SYPL2: variants seen among roughly 807,000 people sequenced by gnomAD.
SYPL2 encodes the protein synaptophysin-like protein 2.
In SYPL2, 24 loss-of-function variants were observed where a neutral mutation model predicts 31.3. The ratio of observed to expected loss-of-function variants is 0.77; its 90% CI spans 0.56 to 1.08. The LOEUF is 1.08. SYPL2 is among the 50% of genes least tolerant of loss of function. The probability of loss-of-function intolerance (pLI) is 0.00; values close to 1 mark genes in which losing one functional copy is unlikely to be tolerated. For synonymous variants in SYPL2, 144 were observed against 143.1 expected (o/e 1.01, Z -0.05); for missense variants, 342 against 360.1 (o/e 0.95, Z 0.41).
chr1:109,473,855 A>G (rs553787036), intron 2 of SYPL2, among the ~76,000 whole-genome samples: 133 of 151,362 alleles, frequency 8.8e-4, no homozygotes, highest in African/African-American at 3.1e-3. Context: ...AGATTGCGCC[A>G]CTACACTCCA....
chr1:109,471,792 T>G (rs1655842850), intron 2 of SYPL2, among the ~76,000 whole-genome samples: 1 of 152,038 alleles, frequency 6.6e-6, no homozygotes, highest in Admixed American at 6.6e-5. Flanking sequence ...CATAGCTCAT[T>G]GCAGCCTTGA....
At chr1:109,466,946 G>A (rs1189153625) in intron 1 of SYPL2, 49 bp downstream of exon 1, 1 of 1,533,182 alleles carries the variant, frequency 6.5e-7, no homozygotes, top group African/African-American at 1.4e-5. Flanking sequence ...CCACCTAGAT[G>A]TCGGGCTGCA....
At position 109,481,599 on chromosome 1, in the gene SYPL2, G is replaced by C. The variant is rs887082067; in HGVS notation, c.*2051G>C. ...GGGAAAGCAGTTGCGGGCAGGGGGT[G>C]GGGGGAGATTATATTCACTCCTGCC... On this transcript the variant is annotated 3_prime_UTR_variant, in exon 6 of 6. Transcript: ENST00000369872. 5 of 152,044 alleles carry C rather than the reference G, an allele frequency of 3.3e-5. No individual in the cohort carries two copies. Among genetic ancestry groups the C allele is most frequent in the Non-Finnish European group, 5.9e-5 (4 of 68,016 alleles). 9.4% of individuals were successfully genotyped at this position (152,044 alleles called of 1,614,324 possible).
In SYPL2 at chr1:109,472,527, G is replaced by A. The variant is rs114802993; in HGVS notation, c.130-3054G>A. On this transcript the variant is annotated intron_variant, in intron 2 of 5. Transcript: ENST00000369872. Reference sequence around the variant, plus strand: ...AGATGCTCAGGAGTGCCTTTCAGGAGAGTGCTGGTGAAGAGAAGGCTCCAT... The same window carrying A: ...AGATGCTCAGGAGTGCCTTTCAGGAAAGTGCTGGTGAAGAGAAGGCTCCAT... Among the ~76,000 whole-genome samples the A allele has an allele frequency of 3.5e-3, 527 of 151,992 alleles. 4 individuals are homozygous for A. The highest frequency in any genetic ancestry group is 0.012 in the African/African-American group (506 of 41,440).
rs1027629854 is a variant in SYPL2 at position 109,480,822 on chromosome 1, A to G, written c.*1274A>G. The G allele has an allele frequency of 6.6e-6, 1 of 152,602 alleles. No individual in the cohort carries two copies. The highest frequency in any genetic ancestry group is 1.5e-5 in the Non-Finnish European group (1 of 68,094). 9.5% of individuals were successfully genotyped at this position (152,602 alleles called of 1,614,324 possible). A position where few individuals can be genotyped will look rare whatever the true frequency, so the allele number is the denominator to read the frequency against. On this transcript the variant is annotated 3_prime_UTR_variant, in exon 6 of 6. Transcript: ENST00000369872. ...CTTCTTCACTTTGGGACCCAGTTCC[A>G]TATTTGTCTTTAGTGTATATCCTCT...
chr1:109,472,546 G>T (rs543773393), intron 2 of SYPL2, among the ~76,000 whole-genome samples: 2 of 151,434 alleles, frequency 1.3e-5, no homozygotes, highest in Non-Finnish European at 2.9e-5. Context: ...TGAAGAGAAG[G>T]CTCCATAACT....
chr1:109,475,146 T>C (rs1007562462), intron 2 of SYPL2: 1 of 154,726 alleles, frequency 6.5e-6, no homozygotes, highest in African/African-American at 2.4e-5. Flanking sequence ...GCATGTCTGA[T>C]CTAGGTTGAT....
chr1:109,468,783 T>C (rs534690325), intron 2 of SYPL2, among the ~76,000 whole-genome samples: 47 of 152,278 alleles, frequency 3.1e-4, no homozygotes, highest in Admixed American at 2.9e-3. Context: ...CATCCTTCCC[T>C]CCACGCAGCA....
At chr1:109,467,319 G>C (rs1488158933) in intron 2 of SYPL2, among the ~76,000 whole-genome samples, 186 bp downstream of exon 2, 1 of 152,174 alleles carries the variant, frequency 6.6e-6, no homozygotes, top group Non-Finnish European at 1.5e-5. Flanking sequence ...AGTGGCAGGA[G>C]GGTGAAGAGC....
In SYPL2 at chr1:109,467,118, C is replaced by T. The variant is rs1171472477; in HGVS notation, c.114C>T (p.Ile38=). 1 of 1,543,824 alleles carries T rather than the reference C, an allele frequency of 6.5e-7. No homozygotes were observed. Among genetic ancestry groups the T allele is most frequent in the Admixed American group, 2.0e-5 (1 of 50,866 alleles). ...GGCTGGAGGAGCCGCTGGGCTTCATCAAAGTTCTCCAGTGGGTGAGTCGCT... is the reference window on the plus strand; with the variant it reads ...GGCTGGAGGAGCCGCTGGGCTTCATTAAAGTTCTCCAGTGGGTGAGTCGCT... ...WRRLEEPLGF[I]KVLQWLFAIF... Residue 38 remains isoleucine, a synonymous_variant, in exon 2 of 6, where the codon ATC becomes ATT. Coordinates refer to ENST00000369872, the MANE Select transcript of SYPL2 (RefSeq NM_001040709.2).
rs2101007348 is a variant in SYPL2 at position 109,478,282 on chromosome 1, AG to A, written c.648+275del. On this transcript the variant is annotated intron_variant, in intron 5 of 5. Coordinates refer to ENST00000369872, the MANE Select transcript of SYPL2 (RefSeq NM_001040709.2). This position sits in a 1 kb window ranked among gnomAD's most constrained non-coding sequence, Gnocchi z 4.0. ...ATTCCCTTCTCATTTCCCCACCTCT[AG>A]GCACGCTCTCTGTGATGTCTCCCCT... is the stretch of plus-strand genomic sequence containing the variant. Among the ~76,000 whole-genome samples the A allele has an allele frequency of 6.6e-6, 1 of 152,214 alleles. No individual in the cohort carries two copies. Among genetic ancestry groups the A allele is most frequent in the Non-Finnish European group, 1.5e-5 (1 of 68,004 alleles).
At position 109,478,784 on chromosome 1, in the gene SYPL2, C is replaced by A. The variant is rs2101007704; in HGVS notation, c.649-594C>A. Among the ~76,000 whole-genome samples the A allele has an allele frequency of 6.6e-6, 1 of 152,336 alleles. No individual in the cohort carries two copies. Among genetic ancestry groups the A allele is most frequent in the Non-Finnish European group, 1.5e-5 (1 of 68,028 alleles). The stretch of plus-strand genomic sequence containing the variant: ...CATGCACTCACCACCTAGACTGTGC[C>A]ATTAACTTTTTACTAGACTTGCTTT... On this transcript the variant is annotated intron_variant, in intron 5 of 5. Coordinates refer to ENST00000369872, the MANE Select transcript of SYPL2 (RefSeq NM_001040709.2). This position sits in a 1 kb window ranked among gnomAD's most constrained non-coding sequence, Gnocchi z 4.0.
chr1:109,475,584 T>C lies in SYPL2; in HGVS notation c.133T>C (p.Phe45Leu), dbSNP rs765087299. 5 of 1,613,942 alleles carry C rather than the reference T, an allele frequency of 3.1e-6. No homozygotes were observed. The highest frequency in any genetic ancestry group is 4.2e-6 in the Non-Finnish European group (5 of 1,179,906). The change falls in exon 3 of 6, where the codon TTT becomes CTT. Residue 45 changes from phenylalanine (F) to leucine (L), a missense_variant. Coordinates refer to ENST00000369872, the MANE Select transcript of SYPL2 (RefSeq NM_001040709.2). ...LGFIKVLQWL[F>L]AIFAFGSCGS... Reference sequence around the variant, plus strand: ...AAGAGGCTTCACTCTCTCTCAGCTCTTTGCTATTTTCGCCTTCGGGTCCTG... The same window carrying C: ...AAGAGGCTTCACTCTCTCTCAGCTCCTTGCTATTTTCGCCTTCGGGTCCTG...
intron 3 of SYPL2, among the ~76,000 whole-genome samples, chr1:109,476,433 GATCTGCCTA>G (rs1283637714): frequency 1.3e-5 from 2 of 152,168 alleles, no homozygotes; most frequent in Admixed American, 6.5e-5. Context: ...GAATGAAGCT[GATCTGCCTA>G]GTGGTTTGGC....
Position 109,478,686 on chromosome 1 carries a change from C to T in SYPL2, c.648+677C>T, listed in dbSNP as rs1300117626. 6.6e-6 allele frequency among the ~76,000 whole-genome samples: 1 copy of T among 151,898 alleles called. No homozygotes were observed. The highest frequency in any genetic ancestry group is 1.5e-5 in the Non-Finnish European group (1 of 67,960). ...ACTTGCTGGAACCCTGCTTATGGTT[C>T]CCCCCCAAAAAAATTTTATTGTAGA... is the stretch of plus-strand genomic sequence containing the variant. On this transcript the variant is annotated intron_variant, in intron 5 of 5. Coordinates refer to ENST00000369872, the MANE Select transcript of SYPL2 (RefSeq NM_001040709.2). This position sits in a 1 kb window ranked among gnomAD's most constrained non-coding sequence, Gnocchi z 4.0.
At position 109,472,453 on chromosome 1, in the gene SYPL2, C is replaced by A. The variant is rs370319277; in HGVS notation, c.130-3128C>A. ...AGTGCCTGGAACCATGCATAGTAGG[C>A]ACTGTACATGCTAGGCATAGTACAT... is the stretch of plus-strand genomic sequence containing the variant. On this transcript the variant is annotated intron_variant, in intron 2 of 5. Transcript: ENST00000369872. Among the ~76,000 whole-genome samples the A allele has an allele frequency of 2.0e-4, 31 of 152,056 alleles. 1 individual carries two copies. In the East Asian group the frequency reaches 5.8e-3, roughly 28 times the overall value.
intron 2 of SYPL2, among the ~76,000 whole-genome samples, chr1:109,471,581 AT>A (rs35930265): frequency 0.68 from 101,275 of 149,906 alleles, 34,721 homozygotes; most frequent in East Asian, 0.96. Context: ...ACTGAACTGA[AT>A]TTTTTTTTTT....
In SYPL2 at chr1:109,466,794, C is replaced by A. The variant is rs1254823836; in HGVS notation, c.-50C>A. ...CTCCCCCGCCGTGTCCGCCGCCTCC[C>A]GGCCAGAGAGCCAAGCCACCACGCC... On this transcript the variant is annotated 5_prime_UTR_variant, in exon 1 of 6. Transcript: ENST00000369872. The A allele has an allele frequency of 2.0e-6, 3 of 1,487,208 alleles. No individual in the cohort carries two copies. The highest frequency in any genetic ancestry group is 2.7e-6 in the Non-Finnish European group (3 of 1,127,372). The allele number at this position is 1,487,208 out of a possible 1,614,324, so 92.1% of individuals were successfully genotyped here.
Position 109,466,816 on chromosome 1 carries a change from C to A in SYPL2, c.-28C>A, listed in dbSNP as rs1268694761. 2.0e-6 allele frequency: 3 copies of A among 1,510,102 alleles called. No homozygotes were observed. In the East Asian group the frequency reaches 8.0e-5, roughly 40 times the overall value. The allele number at this position is 1,510,102 out of a possible 1,614,324, so 93.5% of individuals were successfully genotyped here. ...TCCCGGCCAGAGAGCCAAGCCACCACGCCGCGCCCAGCGCTCGCCGCGCCA... is the reference window on the plus strand; with the variant it reads ...TCCCGGCCAGAGAGCCAAGCCACCAAGCCGCGCCCAGCGCTCGCCGCGCCA... On this transcript the variant is annotated 5_prime_UTR_variant, in exon 1 of 6. Coordinates refer to ENST00000369872, the MANE Select transcript of SYPL2 (RefSeq NM_001040709.2).
Sources: allele counts gnomAD v4.1 joint callset (sites outside exome capture counted in the v4.1 genomes callset), GRCh38; gene constraint gnomAD v4.1.1; non-coding constraint Gnocchi (gnomAD v3.1); transcripts MANE v1.5; gene names NCBI Gene and HGNC (gene_info 2026-07-23, HGNC 2026-07-21).